The following CD226 variants were observed in gnomAD, a reference collection of about 807,000 sequenced individuals.
The protein encoded by CD226 is CD226 antigen.
CD226 carries 24 observed loss-of-function variants against 34.9 expected under a neutral mutation model. That is an observed-to-expected ratio of 0.69 (90% CI 0.50 to 0.97). The LOEUF (loss-of-function observed/expected upper bound fraction) is 0.97, where lower values mean the gene tolerates loss of function less well. CD226 is among the 50% of genes least tolerant of loss of function. The pLI, the probability that CD226 is intolerant of heterozygous loss-of-function variation, is 0.00. For missense variants in CD226, 397 were observed against 412.7 expected (o/e 0.96, Z 0.33); for synonymous variants, 148 against 147.4 (o/e 1.00, Z -0.03).
intron 2 of CD226, among the ~76,000 whole-genome samples, chr18:69,911,497 C>T (rs1032410056): frequency 2.0e-5 from 3 of 152,248 alleles, no homozygotes; most frequent in East Asian, 1.9e-4. Flanking sequence ...ATATGAAGAG[C>T]GACCTTAAAG....
At chr18:69,924,363 T>C (rs1302327785) in intron 2 of CD226, among the ~76,000 whole-genome samples, 1 of 152,168 alleles carries the variant, frequency 6.6e-6, no homozygotes, top group Non-Finnish European at 1.5e-5. Flanking sequence ...ATATACAATA[T>C]GCACTTTGAA....
rs1226828527 is a variant in CD226, at chr18:69,895,889, T to C, written c.539A>G (p.Asn180Ser). 2.5e-6 allele frequency: 4 copies of C among 1,614,076 alleles called. No homozygotes were observed. The highest frequency in any genetic ancestry group is 3.4e-6 in the Non-Finnish European group (4 of 1,180,036). ...PRQIDLLTYC[N>S]LVHGRNFTSK... ...GGTGAAATTTCTGCCATGGACCAAG[T>C]TGCAGTAAGTTAAGAGGTCGATCTG... Residue 180 changes from asparagine to serine, a missense_variant, in exon 3 of 6, where the codon AAC (asparagine) becomes AGC (serine). Asn to Ser is a conservative substitution (Grantham distance 46, BLOSUM62 1). Transcript: ENST00000582621.
rs765664676 is a variant in CD226, at chr18:69,864,407, G to A, written c.918C>T (p.Thr306=). 1.2e-5 allele frequency: 20 copies of A among 1,613,044 alleles called. No homozygotes were observed. The highest frequency in any genetic ancestry group is 3.3e-5 in the Admixed American group (2 of 59,992). The change falls in exon 6 of 6, where the codon ACC becomes ACT. Residue 306 remains threonine (T), a synonymous_variant. Coordinates refer to ENST00000582621, the MANE Select transcript of CD226 (RefSeq NM_001303618.2). ...CCATGGATTGATTGGTAGGTTGACTGGTAGAGATGGGACTTCTATAGTTAT... is the reference window on the plus strand; with the variant it reads ...CCATGGATTGATTGGTAGGTTGACTAGTAGAGATGGGACTTCTATAGTTAT... The part of the protein sequence containing the change: ...APNNYRSPIS[T]SQPTNQSMDD...
intron 2 of CD226, among the ~76,000 whole-genome samples, chr18:69,936,606 G>A (rs538816920): frequency 6.6e-6 from 1 of 152,162 alleles, no homozygotes; most frequent in South Asian, 2.1e-4. Flanking sequence ...CTGCTAAAAT[G>A]TAACATTTTT....
At chr18:69,948,108 G>C (rs550267899), upstream of CD226, among the ~76,000 whole-genome samples, 1 of 152,300 alleles carries the variant, frequency 6.6e-6, no homozygotes, top group South Asian at 2.1e-4. Context: ...AATAATTATA[G>C]AGTCACAGTA....
intron 4 of CD226, among the ~76,000 whole-genome samples, chr18:69,872,027 G>A (rs73462784): frequency 0.013 from 1,912 of 149,266 alleles, 50 homozygotes; most frequent in African/African-American, 0.045. Flanking sequence ...GAGACAAGAT[G>A]GAGAGACACT....
chr18:69,871,379 T>C (rs1983512317), intron 4 of CD226, among the ~76,000 whole-genome samples: 2 of 152,210 alleles, frequency 1.3e-5, no homozygotes, highest in Non-Finnish European at 2.9e-5. Context: ...TTAGTTTAAT[T>C]AGACAAATGT....
chr18:69,951,746 G>A (rs373916099), upstream of CD226, among the ~76,000 whole-genome samples: 21 of 152,304 alleles, frequency 1.4e-4, no homozygotes, highest in South Asian at 3.1e-3. Flanking sequence ...TAGACAAATA[G>A]ACCAAGGAAA....
intron 3 of CD226, among the ~76,000 whole-genome samples, chr18:69,889,222 G>C (rs1555679285): frequency 6.6e-6 from 1 of 151,950 alleles, no homozygotes; most frequent in Non-Finnish European, 1.5e-5. Flanking sequence ...TGTTTGAGTA[G>C]AGGTTATTTT....
rs1983217391 is a variant in CD226, at chr18:69,867,429, T to A, written c.831-18A>T. 7.0e-7 allele frequency: 1 copy of A among 1,431,046 alleles called. No homozygotes were observed. Among genetic ancestry groups the A allele is most frequent in the Non-Finnish European group, 9.9e-7 (1 of 1,013,492 alleles). 88.6% of individuals were successfully genotyped at this position (1,431,046 alleles called of 1,614,324 possible). A position where few individuals can be genotyped will look rare whatever the true frequency, so the allele number is the denominator to read the frequency against. On this transcript the variant is annotated intron_variant, in intron 4 of 5. Transcript: ENST00000582621. ...TTCTCCTTCTGGAATGCATATTCAA[T>A]AAAGGATATAAAGATATGATATTCC...
At position 69,854,486 on chromosome 18, in the gene CD226, C is replaced by T. The variant is rs895975545; in HGVS notation, c.*9828G>A. On this transcript the variant is annotated 3_prime_UTR_variant, in exon 6 of 6. Transcript: ENST00000582621. ...ATTATGAGGATCCAAGAAAAATTTC[C>T]TCGTGGCTCTGGCAACAGATAGAGA... 2.6e-5 allele frequency: 4 copies of T among 152,260 alleles called. No homozygotes were observed. The highest frequency in any genetic ancestry group is 4.8e-5 in the African/African-American group (2 of 41,456). 9.4% of individuals were successfully genotyped at this position (152,260 alleles called of 1,614,324 possible). A position where few individuals can be genotyped will look rare whatever the true frequency, so the allele number is the denominator to read the frequency against.
chr18:69,925,944 A>C (rs1599015084), intron 2 of CD226, among the ~76,000 whole-genome samples: 1 of 152,158 alleles, frequency 6.6e-6, no homozygotes, highest in Admixed American at 6.5e-5. Flanking sequence ...GGAGTTCGAG[A>C]CCAGCCTGGC....
intron 2 of CD226, among the ~76,000 whole-genome samples, chr18:69,910,411 T>C (rs560039251): frequency 6.6e-6 from 1 of 152,350 alleles, no homozygotes; most frequent in East Asian, 1.9e-4. Flanking sequence ...CAAAATTCCA[T>C]ATTCCCAGTC....
chr18:69,889,361 G>A (rs1238806017), intron 3 of CD226, among the ~76,000 whole-genome samples: 1 of 152,100 alleles, frequency 6.6e-6, no homozygotes, highest in African/African-American at 2.4e-5. Flanking sequence ...ACCACACAAT[G>A]TCATGGAAAG....
chr18:69,898,476 A>G (rs1985427158), intron 2 of CD226, among the ~76,000 whole-genome samples: 1 of 152,164 alleles, frequency 6.6e-6, no homozygotes, highest in African/African-American at 2.4e-5. Context: ...CACAAAGGAC[A>G]ATGCAGGAAG....
Position 69,900,258 on chromosome 18 carries a change from C to A in CD226, c.383-4213G>T, listed in dbSNP as rs1251207124. On this transcript the variant is annotated intron_variant, in intron 2 of 5. Transcript: ENST00000582621. Reference sequence around the variant, plus strand: ...GAAGTTAGGAACATAAAGAAGGAAACAACAGACACTGGGTCTAGTTGAGAG... The same window carrying A: ...GAAGTTAGGAACATAAAGAAGGAAAAAACAGACACTGGGTCTAGTTGAGAG... Among the ~76,000 whole-genome samples, 3 of 152,168 alleles carry A rather than the reference C, an allele frequency of 2.0e-5. No homozygotes were observed. The East Asian group carries it at 5.8e-4, about 29-fold the overall frequency.
At chr18:69,909,324 T>C (rs2055295757) in intron 2 of CD226, among the ~76,000 whole-genome samples, 1 of 152,202 alleles carries the variant, frequency 6.6e-6, no homozygotes, top group South Asian at 2.1e-4. Flanking sequence ...TACATGAGTT[T>C]GGGTCTCCAT....
At chr18:69,946,660 T>C in intron 2 of CD226, 74 bp downstream of exon 2, 3 of 966,372 alleles carry the variant, frequency 3.1e-6, no homozygotes, top group Non-Finnish European at 4.7e-6. Flanking sequence ...CTATAGCTTC[T>C]ACTTGGGCTT....
intron 2 of CD226, among the ~76,000 whole-genome samples, chr18:69,945,227 T>C (rs1239245284): frequency 6.6e-6 from 1 of 152,336 alleles, no homozygotes; most frequent in East Asian, 1.9e-4. Flanking sequence ...AGATGTATCA[T>C]TCTCTGACTA....
Sources: gnomAD v4.1 joint callset for allele counts (sites outside exome capture counted in the v4.1 genomes callset) on GRCh38, gnomAD v4.1.1 for gene constraint, MANE v1.5 for transcripts, NCBI Gene and HGNC (gene_info 2026-07-23, HGNC 2026-07-21) for gene names.